PDE11A: variants seen among roughly 807,000 people sequenced by gnomAD.
PDE11A encodes the protein dual 3',5'-cyclic-AMP and -GMP phosphodiesterase 11A.
A neutral mutation model predicts 100.5 loss-of-function variants in PDE11A; 100 were observed. The ratio of observed to expected loss-of-function variants is 1.00; its 90% CI spans 0.85 to 1.18. The LOEUF (loss-of-function observed/expected upper bound fraction) is 1.18. Ranked by LOEUF, PDE11A falls within the 50% of genes most tolerant of loss-of-function variation. The pLI, the probability that PDE11A is intolerant of heterozygous loss-of-function variation, is 0.00. For missense variants in PDE11A, 1,141 were observed against 1,152.6 expected (o/e 0.99, Z 0.15); for synonymous variants, 381 against 420.8 (o/e 0.91, Z 1.16).
At chr2:177,692,443 T>C (rs938516630) in intron 15 of PDE11A, among the ~76,000 whole-genome samples, 2 of 152,218 alleles carry the variant, frequency 1.3e-5, no homozygotes, top group African/African-American at 4.8e-5. Flanking sequence ...AATTAATCTC[T>C]TTTCACTGCC....
At chr2:177,942,081 T>C (rs922685376) in intron 2 of PDE11A, among the ~76,000 whole-genome samples, 1 of 152,242 alleles carries the variant, frequency 6.6e-6, no homozygotes, top group African/African-American at 2.4e-5. Context: ...GAAATGCTAT[T>C]GCTTTAAACA....
intron 9 of PDE11A, among the ~76,000 whole-genome samples, chr2:177,799,753 T>G (rs544916790): frequency 6.6e-6 from 1 of 152,318 alleles, no homozygotes; most frequent in African/African-American, 2.4e-5. Context: ...AGGGCAGTGT[T>G]CCTTTCTGTA....
At chr2:177,814,437 G>A (rs1008650784) in intron 9 of PDE11A, among the ~76,000 whole-genome samples, 5 of 152,216 alleles carry the variant, frequency 3.3e-5, no homozygotes, top group Non-Finnish European at 7.4e-5. Context: ...CCTAGGCCAG[G>A]GAGCGGGGTG....
chr2:177,960,258 A>C (rs2085615568), intron 2 of PDE11A, among the ~76,000 whole-genome samples: 1 of 152,130 alleles, frequency 6.6e-6, no homozygotes, highest in Non-Finnish European at 1.5e-5. Context: ...ACGGGGGCCC[A>C]AAGTTCTCCT....
At position 177,669,596 on chromosome 2, in the gene PDE11A, A is replaced by G. The variant is rs6433687; in HGVS notation, c.2488-29T>C. 0.86 allele frequency: 866,148 copies of G among 1,009,858 alleles called. 373,612 individuals carry two copies. The highest frequency in any genetic ancestry group is 0.99 in the East Asian group (41,631 of 42,198). The allele number at this position is 1,009,858 out of a possible 1,614,324, so 62.6% of individuals were successfully genotyped here. A position where few individuals can be genotyped will look rare whatever the true frequency, so the allele number is the denominator to read the frequency against. On this transcript the variant is annotated intron_variant, in intron 17 of 19. Transcript: ENST00000286063. ...AAACATATAAATATTTTAATCTGTG[A>G]TTATGTGTAGTTTATCACGAGACTC...
chr2:178,043,020 T>A (rs899563007), intron 1 of PDE11A, among the ~76,000 whole-genome samples: 1 of 152,194 alleles, frequency 6.6e-6, no homozygotes, highest in Admixed American at 6.5e-5. Flanking sequence ...TTTTACAGGA[T>A]AAAAATAAAT....
chr2:177,885,359 C>T (rs1051750514), intron 4 of PDE11A, among the ~76,000 whole-genome samples: 5 of 152,144 alleles, frequency 3.3e-5, no homozygotes, highest in Admixed American at 3.3e-4. Flanking sequence ...ATACAGAAGG[C>T]TGACCTTTCA....
chr2:177,891,835 G>T (rs2084534052), intron 4 of PDE11A, among the ~76,000 whole-genome samples: 1 of 152,220 alleles, frequency 6.6e-6, no homozygotes, highest in African/African-American at 2.4e-5. Context: ...AATAGAGACT[G>T]TGTGACTTGC....
chr2:177,840,890 T>C (rs986592680), intron 5 of PDE11A, among the ~76,000 whole-genome samples: 2 of 152,248 alleles, frequency 1.3e-5, no homozygotes, highest in South Asian at 4.1e-4. Context: ...AAAACAATTT[T>C]ACTATCTTAG....
chr2:177,652,890 T>C (rs182446358), intron 19 of PDE11A, among the ~76,000 whole-genome samples: 36 of 152,332 alleles, frequency 2.4e-4, no homozygotes, highest in African/African-American at 7.5e-4. Context: ...CTTTTTGGTT[T>C]GCATCTATTC....
intron 19 of PDE11A, among the ~76,000 whole-genome samples, chr2:177,636,372 C>A (rs1039958184): frequency 3.3e-5 from 5 of 152,190 alleles, no homozygotes; most frequent in Admixed American, 3.3e-4. Flanking sequence ...CTGAAAGAAA[C>A]TCCCCAAATG....
At chr2:177,859,218 C>G (rs953400840) in intron 5 of PDE11A, among the ~76,000 whole-genome samples, 3 of 151,596 alleles carry the variant, frequency 2.0e-5, no homozygotes, top group African/African-American at 7.3e-5. Context: ...GCATGTTGTG[C>G]ACATGTACCC....
At chr2:178,009,082 G>C (rs2086245731) in intron 2 of PDE11A, among the ~76,000 whole-genome samples, 1 of 152,210 alleles carries the variant, frequency 6.6e-6, no homozygotes, top group African/African-American at 2.4e-5. Context: ...AGGCAGATAA[G>C]AGCCCTTGCT....
At chr2:177,800,890 C>T (rs114483438) in intron 9 of PDE11A, among the ~76,000 whole-genome samples, 3,258 of 152,242 alleles carry the variant, frequency 0.021, 131 homozygotes, top group African/African-American at 0.075. Context: ...AAGTGGACCA[C>T]AAAAGAGCTC....
chr2:177,829,844 C>A (rs2083282899), intron 6 of PDE11A, among the ~76,000 whole-genome samples: 1 of 152,110 alleles, frequency 6.6e-6, no homozygotes, highest in Non-Finnish European at 1.5e-5. Flanking sequence ...AATCCTTTCC[C>A]TTGAGTGTGG....
intron 13 of PDE11A, among the ~76,000 whole-genome samples, chr2:177,710,403 G>A (rs759076207): frequency 5.3e-5 from 8 of 152,190 alleles, no homozygotes; most frequent in Admixed American, 1.3e-4. Context: ...GAAGACACAA[G>A]TTTGGTATAT....
Position 177,630,382 on chromosome 2 carries a change from G to T in PDE11A, c.2647-820C>A, listed in dbSNP as rs550660539. Among the ~76,000 whole-genome samples, 138 of 152,280 alleles carry T rather than the reference G, an allele frequency of 9.1e-4. 1 individual carries two copies. In the Middle Eastern group the frequency reaches 0.01, roughly 11 times the overall value. On this transcript the variant is annotated intron_variant, in intron 19 of 19. Coordinates refer to ENST00000286063, the MANE Select transcript of PDE11A (RefSeq NM_016953.4). ...CACCGCTCCTGGGTTGCCCCTGGTAGTGGAATGAGAGCCCTAAAAGTAAGA... is the reference window on the plus strand; with the variant it reads ...CACCGCTCCTGGGTTGCCCCTGGTATTGGAATGAGAGCCCTAAAAGTAAGA...
chr2:177,831,474 G>C (rs2083307175), intron 6 of PDE11A, among the ~76,000 whole-genome samples: 1 of 152,192 alleles, frequency 6.6e-6, no homozygotes, highest in African/African-American at 2.4e-5. Flanking sequence ...CTAAAGCAAA[G>C]CTTGATAGAG....
chr2:177,766,056 C>A lies in PDE11A; in HGVS notation c.1788+3267G>T, dbSNP rs188042148. Reference sequence around the variant, plus strand: ...GTCTGGTCGGGTATAATCCAATACACTGGGACTCAGCCATCCTTTAACTCA... The same window carrying A: ...GTCTGGTCGGGTATAATCCAATACAATGGGACTCAGCCATCCTTTAACTCA... On this transcript the variant is annotated intron_variant, in intron 10 of 19. Coordinates refer to ENST00000286063, the MANE Select transcript of PDE11A (RefSeq NM_016953.4). 2.0e-5 allele frequency among the ~76,000 whole-genome samples: 3 copies of A among 152,312 alleles called. No individual in the cohort carries two copies. The East Asian group carries it at 5.8e-4, about 29-fold the overall frequency.
Sources: gnomAD v4.1 joint callset for allele counts (sites outside exome capture counted in the v4.1 genomes callset) on GRCh38, gnomAD v4.1.1 for gene constraint, MANE v1.5 for transcripts, NCBI Gene and HGNC (gene_info 2026-07-23, HGNC 2026-07-21) for gene names.